The following CCDC85C variants were observed in gnomAD, a reference collection of about 807,000 sequenced individuals.
CCDC85C encodes coiled-coil domain containing 85C, also known as coiled-coil domain-containing protein 85C.
CCDC85C carries 18 observed loss-of-function variants against 38.3 expected under a neutral mutation model. The observed-to-expected ratio is 0.47, with a 90% CI of 0.33 to 0.70. The LOEUF (loss-of-function observed/expected upper bound fraction) is 0.70, where lower values mean the gene tolerates loss of function less well. Among genes scored for constraint, CCDC85C ranks in the 30% least tolerant of loss-of-function variants. CCDC85C has a pLI of 0.03. For synonymous variants in CCDC85C, 264 were observed against 293.8 expected (o/e 0.90, Z 1.04); for missense variants, 566 against 621.2 (o/e 0.91, Z 0.94).
chr14:99,504,006 C>T lies in CCDC85C; in HGVS notation c.*11240G>A, dbSNP rs559838243. ...CCCAAGCACCAAGCCACAGCAGATG[C>T]GGGGGGGCAGTAGGGGGTGGTGTGC... On this transcript the variant is annotated 3_prime_UTR_variant, in exon 6 of 6. Coordinates refer to ENST00000380243, the MANE Select transcript of CCDC85C (RefSeq NM_001144995.2). 28 of 356,220 alleles carry T rather than the reference C, an allele frequency of 7.9e-5. No individual in the cohort carries two copies. Among genetic ancestry groups the T allele is most frequent in the Admixed American group, 5.0e-4 (12 of 24,120 alleles). 22.1% of individuals were successfully genotyped at this position (356,220 alleles called of 1,614,324 possible). A position where few individuals can be genotyped will look rare whatever the true frequency, so the allele number is the denominator to read the frequency against.
chr14:99,518,555 C>A (rs765423440), intron 3 of CCDC85C, among the ~76,000 whole-genome samples: 14 of 151,504 alleles, frequency 9.2e-5, no homozygotes, highest in Non-Finnish European at 1.8e-4. Context: ...TGGGGATTCC[C>A]CCTGGGGCAA....
chr14:99,543,282 C>G (rs941544), intron 1 of CCDC85C, among the ~76,000 whole-genome samples: 67,379 of 151,650 alleles, frequency 0.44, 15,729 homozygotes, highest in South Asian at 0.57. Flanking sequence ...CATGCAGAAC[C>G]CCGTCTTACA....
Position 99,603,180 on chromosome 14 carries a change from G to A in CCDC85C, c.780C>T (p.Pro260=), listed in dbSNP as rs1444270965. Reference sequence around the variant, plus strand: ...TGTAGTCCTTACCGTGCAGGCCGTTGGGGATGCTGCGGTGGTGCGGCGGCG... The same window carrying A: ...TGTAGTCCTTACCGTGCAGGCCGTTAGGGATGCTGCGGTGGTGCGGCGGCG... ...LSAPPHHRSI[P]NGLHDPSSTY... The change falls in exon 1 of 6, where the codon CCC becomes CCT. Residue 260 remains proline, a synonymous_variant. Transcript: ENST00000380243. The surrounding 1 kb of genome is among the most constrained non-coding windows in gnomAD (Gnocchi z 7.5). The A allele has an allele frequency of 1.1e-5, 16 of 1,405,068 alleles. No homozygotes were observed. The East Asian group carries it at 4.5e-4, about 40-fold the overall frequency. The allele number at this position is 1,405,068 out of a possible 1,614,324, so 87.0% of individuals were successfully genotyped here.
At position 99,544,635 on chromosome 14, in the gene CCDC85C, G is replaced by A. The variant is rs755934720; in HGVS notation, c.794-8547C>T. Among the ~76,000 whole-genome samples the A allele has an allele frequency of 3.3e-5, 5 of 152,086 alleles. No homozygotes were observed. Among genetic ancestry groups the A allele is most frequent in the Non-Finnish European group, 7.4e-5 (5 of 68,026 alleles). On this transcript the variant is annotated intron_variant, in intron 1 of 5. Transcript: ENST00000380243. This position sits in a 1 kb window ranked among gnomAD's most constrained non-coding sequence, Gnocchi z 5.3. ...CCAGAGCAGAAATTCTCTTCGTGAC[G>A]CAAGGTGACTTTCAGGGCCCAGGCT... is the stretch of plus-strand genomic sequence containing the variant.
chr14:99,543,371 G>A (rs1258422289), intron 1 of CCDC85C, among the ~76,000 whole-genome samples: 5 of 152,134 alleles, frequency 3.3e-5, no homozygotes, highest in African/African-American at 1.2e-4. Flanking sequence ...CGGCGGGCAG[G>A]GGCAGTATAT....
At position 99,563,295 on chromosome 14, in the gene CCDC85C, ATCC is replaced by A. The variant is rs1898153287; in HGVS notation, c.794-27210_794-27208del. On this transcript the variant is annotated intron_variant, in intron 1 of 5. Transcript: ENST00000380243. Reference sequence around the variant, plus strand: ...CTGGGCCCCTGCCCTGCCGCGTTCCATCCTTTGTATGGTCAACAATAGCCCCGC... The same window carrying A: ...CTGGGCCCCTGCCCTGCCGCGTTCCATTTGTATGGTCAACAATAGCCCCGC... Among the ~76,000 whole-genome samples the A allele has an allele frequency of 2.0e-5, 3 of 152,358 alleles. No homozygotes were observed. In the South Asian group the frequency reaches 6.2e-4, roughly 32 times the overall value.
intron 1 of CCDC85C, among the ~76,000 whole-genome samples, chr14:99,542,815 C>G (rs1200181037): frequency 6.6e-6 from 1 of 152,228 alleles, no homozygotes; most frequent in Non-Finnish European, 1.5e-5. Flanking sequence ...TCCTGGCCGC[C>G]CTACACCTCT....
intron 1 of CCDC85C, among the ~76,000 whole-genome samples, chr14:99,542,756 G>A (rs1361188218): frequency 2.6e-5 from 4 of 152,252 alleles, no homozygotes; most frequent in African/African-American, 9.6e-5. Context: ...TTCATCCCGA[G>A]GTGGCCACTG....
intron 1 of CCDC85C, among the ~76,000 whole-genome samples, chr14:99,562,224 C>A (rs987510249): frequency 1.2e-4 from 19 of 152,182 alleles, no homozygotes; most frequent in African/African-American, 3.9e-4. Flanking sequence ...CCTATGCAAA[C>A]CCCCTGGCTA....
Position 99,604,038 on chromosome 14 carries a change from CCG to C in CCDC85C, c.-81_-80del, listed in dbSNP as rs1005856716. On this transcript the variant is annotated 5_prime_UTR_variant, in exon 1 of 6. Coordinates refer to ENST00000380243, the MANE Select transcript of CCDC85C (RefSeq NM_001144995.2). ...CGCGCCGGGGCTCCGCTGGGCCGGTCCGCGCGCGGGCGGGGGGCGGCCGGGGG... is the reference window on the plus strand; with the variant it reads ...CGCGCCGGGGCTCCGCTGGGCCGGTCCGCGCGGGCGGGGGGCGGCCGGGGG... 2.0e-4 allele frequency: 201 copies of C among 993,028 alleles called. No individual in the cohort carries two copies. Among genetic ancestry groups the C allele is most frequent in the Admixed American group, 6.8e-4 (11 of 16,212 alleles). 61.5% of individuals were successfully genotyped at this position (993,028 alleles called of 1,614,324 possible).
In CCDC85C at chr14:99,503,177, A is replaced by G. The variant is rs1896882647; in HGVS notation, c.*12069T>C. ...CTCCAAGGACAGGCTGCCTCTGAGAACCAGGAGGGGGCTCTCTGCCCGGCT... is the reference window on the plus strand; with the variant it reads ...CTCCAAGGACAGGCTGCCTCTGAGAGCCAGGAGGGGGCTCTCTGCCCGGCT... On this transcript the variant is annotated 3_prime_UTR_variant, in exon 6 of 6. Transcript: ENST00000380243. 7 of 727,654 alleles carry G rather than the reference A, an allele frequency of 9.6e-6. No homozygotes were observed. The highest frequency in any genetic ancestry group is 1.5e-5 in the Non-Finnish European group (6 of 410,164). 45.1% of individuals were successfully genotyped at this position (727,654 alleles called of 1,614,324 possible). A position where few individuals can be genotyped will look rare whatever the true frequency, so the allele number is the denominator to read the frequency against.
Position 99,516,957 on chromosome 14 carries a change from C to A in CCDC85C, c.1071+131G>T. 1 of 836,380 alleles carries A rather than the reference C, an allele frequency of 1.2e-6. No individual in the cohort carries two copies. The highest frequency in any genetic ancestry group is 1.5e-5 in the South Asian group (1 of 66,046). The allele number at this position is 836,380 out of a possible 1,614,324, so 51.8% of individuals were successfully genotyped here. A position where few individuals can be genotyped will look rare whatever the true frequency, so the allele number is the denominator to read the frequency against. On this transcript the variant is annotated intron_variant, in intron 4 of 5. Coordinates refer to ENST00000380243, the MANE Select transcript of CCDC85C (RefSeq NM_001144995.2). This position sits in a 1 kb window ranked among gnomAD's most constrained non-coding sequence, Gnocchi z 5.5. ...TCACAGTGCTCCAGGCAGCCATGGT[C>A]ACCCAGCCACCCACACACAGATGAA...
intron 1 of CCDC85C, among the ~76,000 whole-genome samples, chr14:99,591,716 G>A (rs974642059): frequency 2.7e-5 from 4 of 150,588 alleles, no homozygotes; most frequent in Non-Finnish European, 4.4e-5. Flanking sequence ...TCAGGTGTCA[G>A]GTTTCTTGGT....
chr14:99,599,859 G>C (rs2055181297), intron 1 of CCDC85C, among the ~76,000 whole-genome samples: 1 of 152,188 alleles, frequency 6.6e-6, no homozygotes, highest in Non-Finnish European at 1.5e-5. Context: ...TGGGTGACCA[G>C]AGAGACCCTG....
chr14:99,543,682 AACAGGT>A (rs1264122285), intron 1 of CCDC85C, among the ~76,000 whole-genome samples: 6 of 152,146 alleles, frequency 3.9e-5, no homozygotes, highest in African/African-American at 1.4e-4. Context: ...GTAGAGCCAC[AACAGGT>A]CCAGGTACAC....
intron 2 of CCDC85C, among the ~76,000 whole-genome samples, chr14:99,530,063 C>T (rs1897463169): frequency 6.6e-6 from 1 of 152,180 alleles, no homozygotes; most frequent in Non-Finnish European, 1.5e-5. Context: ...TGAACCAGGC[C>T]CTCTGGCACT....
At chr14:99,538,665 C>T (rs1373934244) in intron 1 of CCDC85C, among the ~76,000 whole-genome samples, 4 of 152,226 alleles carry the variant, frequency 2.6e-5, no homozygotes, top group African/African-American at 4.8e-5. Context: ...AGCCCACAAT[C>T]GGAGGAGGGA....
At chr14:99,589,963 T>C (rs1257201784) in intron 1 of CCDC85C, among the ~76,000 whole-genome samples, 2 of 152,220 alleles carry the variant, frequency 1.3e-5, no homozygotes, top group East Asian at 3.9e-4. Flanking sequence ...GCTCTCCCTC[T>C]GCCTCCTTCC....
intron 1 of CCDC85C, among the ~76,000 whole-genome samples, chr14:99,556,193 G>C (rs1316198942): frequency 6.6e-6 from 1 of 152,254 alleles, no homozygotes; most frequent in Non-Finnish European, 1.5e-5. Flanking sequence ...ATGGAGCAAG[G>C]ATCACTTGAG....
Sources: gnomAD v4.1 joint callset for allele counts (sites outside exome capture counted in the v4.1 genomes callset) on GRCh38, gnomAD v4.1.1 for gene constraint, Gnocchi (gnomAD v3.1) non-coding constraint, MANE v1.5 for transcripts, NCBI Gene and HGNC (gene_info 2026-07-23, HGNC 2026-07-21) for gene names.